Variants in STK32B observed in about 807,000 individuals in gnomAD.
STK32B encodes the protein serine/threonine kinase 32B.
A neutral mutation model predicts 52.6 loss-of-function variants in STK32B; 43 were observed. That is an observed-to-expected ratio of 0.82 (90% CI 0.64 to 1.05). STK32B has a LOEUF of 1.05. STK32B is among the 50% of genes least tolerant of loss of function. The pLI is 0.00. For missense variants in STK32B, 621 were observed against 534.6 expected, an observed-to-expected ratio of 1.16 and a Z score of -1.59; for synonymous variants, 238 against 204.3, an observed-to-expected ratio of 1.17 and a Z score of -1.41.
rs1477381394 is a variant in STK32B, at chr4:5,394,974, C to T, written c.435-3233C>T. Among the ~76,000 whole-genome samples the T allele has an allele frequency of 6.6e-6, 1 of 152,176 alleles. No individual in the cohort carries two copies. Among genetic ancestry groups the T allele is most frequent in the African/African-American group, 2.4e-5 (1 of 41,452 alleles). On this transcript the variant is annotated intron_variant, in intron 4 of 11. Coordinates refer to ENST00000282908, the MANE Select transcript of STK32B (RefSeq NM_018401.3). The surrounding 1 kb of genome is among the most constrained non-coding windows in gnomAD (Gnocchi z 4.2). ...GCATAGGATCTCACAAAACTACAAT[C>T]CACATGCCCACCGGGCTGCACTCCT...
intron 6 of STK32B, among the ~76,000 whole-genome samples, chr4:5,429,819 A>G (rs922881178): frequency 6.6e-6 from 1 of 151,982 alleles, no homozygotes; most frequent in African/African-American, 2.4e-5. Context: ...ATTTCCTTAT[A>G]TTGTTACAAG....
intron 3 of STK32B, among the ~76,000 whole-genome samples, chr4:5,241,955 T>C (rs1725062589): frequency 6.6e-6 from 1 of 152,220 alleles, no homozygotes; most frequent in Admixed American, 6.5e-5. Flanking sequence ...ATGTGCCACA[T>C]TTTCTTAATC....
At chr4:5,464,979 G>C (rs1206110401) in intron 9 of STK32B, among the ~76,000 whole-genome samples, 2 of 152,156 alleles carry the variant, frequency 1.3e-5, no homozygotes, top group East Asian at 3.9e-4. Flanking sequence ...GTGAAATCAG[G>C]GAAGGTGATC....
intron 3 of STK32B, among the ~76,000 whole-genome samples, chr4:5,287,881 C>T (rs570706350): frequency 4.6e-5 from 7 of 152,030 alleles, no homozygotes; most frequent in African/African-American, 1.4e-4. Context: ...TTTTATCTGC[C>T]CTAAAAGAAA....
At chr4:5,403,174 C>G (rs1352288766) in intron 5 of STK32B, among the ~76,000 whole-genome samples, 1 of 152,194 alleles carries the variant, frequency 6.6e-6, no homozygotes, top group Admixed American at 6.5e-5. Context: ...TGCCCCAAGG[C>G]ACACTTTTCA....
At chr4:5,059,996 C>T (rs1393121146) in intron 1 of STK32B, among the ~76,000 whole-genome samples, 4 of 152,090 alleles carry the variant, frequency 2.6e-5, no homozygotes, top group Admixed American at 1.3e-4. Context: ...GACAGAGTTT[C>T]GTTCTTGTTG....
intron 6 of STK32B, among the ~76,000 whole-genome samples, chr4:5,422,528 A>C (rs1712730878): frequency 6.6e-6 from 1 of 152,250 alleles, no homozygotes; most frequent in African/African-American, 2.4e-5. Context: ...AGAAAAAAAA[A>C]GATCTCTCTA....
At chr4:5,114,532 C>T (rs1367526303) in intron 1 of STK32B, among the ~76,000 whole-genome samples, 1 of 152,044 alleles carries the variant, frequency 6.6e-6, no homozygotes, top group Non-Finnish European at 1.5e-5. Flanking sequence ...AGAATGAGCT[C>T]CCAGTAAATA....
At chr4:5,303,040 A>ATATG (rs1211568211) in intron 3 of STK32B, among the ~76,000 whole-genome samples, 1 of 151,702 alleles carries the variant, frequency 6.6e-6, no homozygotes, top group Non-Finnish European at 1.5e-5. Context: ...GTGTGTATAT[A>ATATG]TATGTATGTA....
At chr4:5,249,418 CTG>C (rs998982992) in intron 3 of STK32B, among the ~76,000 whole-genome samples, 32 of 151,888 alleles carry the variant, frequency 2.1e-4, no homozygotes, top group African/African-American at 7.7e-4. Flanking sequence ...TCCTGCCTGT[CTG>C]TTCTTCCTTC....
chr4:5,330,222 T>G (rs1431022654), intron 3 of STK32B, among the ~76,000 whole-genome samples: 6 of 152,206 alleles, frequency 3.9e-5, no homozygotes, highest in African/African-American at 1.2e-4. Context: ...TAAGCTTCCA[T>G]GATTACATTA....
In STK32B at chr4:5,470,783, T is replaced by G. The variant is rs1717797032; in HGVS notation, c.1106+2713T>G. 6.6e-6 allele frequency among the ~76,000 whole-genome samples: 1 copy of G among 152,234 alleles called. No individual in the cohort carries two copies. Among genetic ancestry groups the G allele is most frequent in the South Asian group, 2.1e-4 (1 of 4,834 alleles). Reference sequence around the variant, plus strand: ...TTTTTACTTTAAACCAAGAAAAAAGTGAGACCTGTTTATCCTTCACTTCTG... The same window carrying G: ...TTTTTACTTTAAACCAAGAAAAAAGGGAGACCTGTTTATCCTTCACTTCTG... On this transcript the variant is annotated intron_variant, in intron 11 of 11. Coordinates refer to ENST00000282908, the MANE Select transcript of STK32B (RefSeq NM_018401.3). This position sits in a 1 kb window ranked among gnomAD's most constrained non-coding sequence, Gnocchi z 4.6.
At chr4:5,325,082 A>T (rs1279362858) in intron 3 of STK32B, among the ~76,000 whole-genome samples, 3 of 152,192 alleles carry the variant, frequency 2.0e-5, no homozygotes, top group African/African-American at 7.2e-5. Flanking sequence ...CGTGAGCATG[A>T]CGCACAGCCT....
At chr4:5,199,029 A>T (rs77437113) in intron 3 of STK32B, among the ~76,000 whole-genome samples, 3,750 of 152,258 alleles carry the variant, frequency 0.025, 81 homozygotes, top group Non-Finnish European at 0.039. Flanking sequence ...ACTGAAGGTA[A>T]TGAGATTTCT....
At chr4:5,309,956 A>G (rs1730179668) in intron 3 of STK32B, among the ~76,000 whole-genome samples, 1 of 152,198 alleles carries the variant, frequency 6.6e-6, no homozygotes, top group Non-Finnish European at 1.5e-5. Context: ...ACCTGAGGTC[A>G]GGAATTTGAG....
At chr4:5,199,724 C>G (rs1415028299) in intron 3 of STK32B, among the ~76,000 whole-genome samples, 1 of 152,158 alleles carries the variant, frequency 6.6e-6, no homozygotes, top group African/African-American at 2.4e-5. Context: ...TTGTCCAGGT[C>G]TTTAAATGTG....
chr4:5,187,871 C>A lies in STK32B; in HGVS notation c.260+19421C>A, dbSNP rs73212023. Among the ~76,000 whole-genome samples, 1,358 of 152,254 alleles carry A rather than the reference C, an allele frequency of 8.9e-3. 23 individuals carry two copies. The highest frequency in any genetic ancestry group is 0.025 in the South Asian group (118 of 4,816). ...GCCCAAAGCTAAGCCTCAAAAATAACAAGATGAGTAAGTGATGGATGCTAC... is the reference window on the plus strand; with the variant it reads ...GCCCAAAGCTAAGCCTCAAAAATAAAAAGATGAGTAAGTGATGGATGCTAC... On this transcript the variant is annotated intron_variant, in intron 3 of 11. Coordinates refer to ENST00000282908, the MANE Select transcript of STK32B (RefSeq NM_018401.3).
intron 6 of STK32B, among the ~76,000 whole-genome samples, chr4:5,420,154 A>C (rs915514354): frequency 6.6e-6 from 1 of 152,196 alleles, no homozygotes; most frequent in Non-Finnish European, 1.5e-5. Flanking sequence ...CAAGAGTCAG[A>C]CCCAGGTCAA....
At chr4:5,406,782 C>G (rs1267250991) in intron 5 of STK32B, among the ~76,000 whole-genome samples, 1 of 152,176 alleles carries the variant, frequency 6.6e-6, no homozygotes, top group Non-Finnish European at 1.5e-5. Flanking sequence ...GCAGCAGAAC[C>G]AGTTTTTCCT....
Sources: gnomAD v4.1 joint callset for allele counts (sites outside exome capture counted in the v4.1 genomes callset) on GRCh38, gnomAD v4.1.1 for gene constraint, Gnocchi (gnomAD v3.1) non-coding constraint, MANE v1.5 for transcripts, NCBI Gene and HGNC (gene_info 2026-07-23, HGNC 2026-07-21) for gene names.